Variants in CHD9 observed in about 807,000 individuals in gnomAD.
CHD9 encodes chromodomain helicase DNA binding protein 9, also known as ATP-dependent chromatin remodeler CHD9.
A neutral mutation model predicts 316.1 loss-of-function variants in CHD9; 77 were observed. The ratio of observed to expected loss-of-function variants is 0.24; its 90% CI spans 0.20 to 0.29. The LOEUF (loss-of-function observed/expected upper bound fraction) is 0.29, where lower values mean the gene tolerates loss of function less well. CHD9 is among the 10% of genes least tolerant of loss of function. The probability of loss-of-function intolerance (pLI) is 1.00; values close to 1 mark genes in which losing one functional copy is unlikely to be tolerated. For missense variants in CHD9, 2,763 were observed against 3,438.1 expected, an observed-to-expected ratio of 0.80 and a Z score of 4.91; for synonymous variants, 1,129 against 1,158.3, an observed-to-expected ratio of 0.97 and a Z score of 0.51.
intron 2 of CHD9, chr16:53,208,820 T>A: frequency 3.9e-6 from 2 of 506,686 alleles, no homozygotes; most frequent in Non-Finnish European, 5.1e-6. Context: ...TGCTAAATAT[T>A]AATAATTTTA....
At position 53,249,979 on chromosome 16, in the gene CHD9, C is replaced by T; in HGVS notation, c.3774C>T (p.Thr1258=). The change falls in exon 17 of 39, where the codon ACC becomes ACT. Residue 1258 remains threonine (T), a synonymous_variant. Transcript: ENST00000447540. ...ATAGATTTGTTTTTCTCCTGTGTACCCGAGCTGGTGGGTTGGGCATCAACT... is the reference window on the plus strand; with the variant it reads ...ATAGATTTGTTTTTCTCCTGTGTACTCGAGCTGGTGGGTTGGGCATCAACT... The part of the protein sequence containing the change: ...DSDRFVFLLC[T]RAGGLGINLT... The T allele has an allele frequency of 6.2e-7, 1 of 1,613,564 alleles. No individual in the cohort carries two copies. The highest frequency in any genetic ancestry group is 8.5e-7 in the Non-Finnish European group (1 of 1,179,732).
At chr16:53,198,587 A>G (rs1383326205) in intron 2 of CHD9, among the ~76,000 whole-genome samples, 2 of 152,130 alleles carry the variant, frequency 1.3e-5, no homozygotes, top group Non-Finnish European at 2.9e-5. Flanking sequence ...CGGCCTCCCA[A>G]AGTGCTAGGA....
chr16:53,310,910 A>G (rs987965371), intron 34 of CHD9: 1 of 149,986 alleles, frequency 6.7e-6, no homozygotes, highest in Non-Finnish European at 1.5e-5. Context: ...AATTGTGCCA[A>G]GCGTGGTGGC....
chr16:53,183,741 C>A (rs1328912807), intron 2 of CHD9, among the ~76,000 whole-genome samples: 1 of 151,332 alleles, frequency 6.6e-6, no homozygotes, highest in African/African-American at 2.4e-5. Context: ...TAGCAAGACC[C>A]TGTCTGTACA....
chr16:53,217,985 G>T lies in CHD9; in HGVS notation c.1785-4659G>T, dbSNP rs1450429885. On this transcript the variant is annotated intron_variant, in intron 3 of 38. Transcript: ENST00000447540. The stretch of plus-strand genomic sequence containing the variant: ...TTTTTTTTAATTCAGAATTACTGGG[G>T]TTTTTTAAAATCTAATTTTAAAATG... Among the ~76,000 whole-genome samples the T allele has an allele frequency of 2.8e-5, 4 of 144,714 alleles. No individual in the cohort carries two copies. The East Asian group carries it at 6.0e-4, about 22-fold the overall frequency. The allele number at this position is 144,714 out of a possible 152,430, so 94.9% of individuals were successfully genotyped here.
chr16:53,108,515 G>GATAC (rs2037551870), intron 1 of CHD9, among the ~76,000 whole-genome samples: 1 of 33,166 alleles, frequency 3.0e-5, no homozygotes, highest in South Asian at 8.6e-4. Flanking sequence ...AAAAAATATA[G>GATAC]ATAGATAGAT....
intron 16 of CHD9, among the ~76,000 whole-genome samples, chr16:53,249,516 A>G (rs749628024): frequency 1.3e-5 from 2 of 152,216 alleles, no homozygotes; most frequent in Non-Finnish European, 1.5e-5. Flanking sequence ...GCCTTCTTGT[A>G]TAAAGTTTTT....
intron 2 of CHD9, chr16:53,208,734 C>G (rs1476673672): frequency 1.0e-6 from 1 of 984,516 alleles, no homozygotes; most frequent in Non-Finnish European, 1.2e-6. Context: ...AAACTGTGAT[C>G]TAAGTATATG....
intron 2 of CHD9, among the ~76,000 whole-genome samples, chr16:53,190,431 G>C (rs2044387925): frequency 6.6e-6 from 1 of 151,932 alleles, no homozygotes; most frequent in Non-Finnish European, 1.5e-5. Flanking sequence ...GACGCGCCAA[G>C]GAGGAGGAAA....
intron 24 of CHD9, among the ~76,000 whole-genome samples, chr16:53,278,949 G>A (rs2153027363): frequency 6.6e-6 from 1 of 152,310 alleles, no homozygotes; most frequent in South Asian, 2.1e-4. Flanking sequence ...AAGACAGTGT[G>A]GCGATTCCTC....
chr16:53,059,947 C>G (rs990115042), intron 1 of CHD9, among the ~76,000 whole-genome samples: 16 of 152,164 alleles, frequency 1.1e-4, no homozygotes, highest in Admixed American at 8.5e-4. Flanking sequence ...ATGAGTATAT[C>G]TGGGTTCCAA....
At chr16:53,056,691 G>A (rs904444621) in intron 1 of CHD9, among the ~76,000 whole-genome samples, 18 of 152,208 alleles carry the variant, frequency 1.2e-4, no homozygotes, top group African/African-American at 4.3e-4. Flanking sequence ...TGTGAGCTGA[G>A]CACTTCCACT....
At chr16:53,167,202 ATTT>A (rs1451920757) in intron 2 of CHD9, among the ~76,000 whole-genome samples, 3 of 152,136 alleles carry the variant, frequency 2.0e-5, no homozygotes, top group Non-Finnish European at 4.4e-5. Flanking sequence ...TAATGTCTAA[ATTT>A]TTTATCTCTG....
intron 1 of CHD9, among the ~76,000 whole-genome samples, chr16:53,141,887 G>C (rs568864485): frequency 5.6e-4 from 85 of 152,246 alleles, no homozygotes; most frequent in Middle Eastern, 3.4e-3. Context: ...GGGTGATGTT[G>C]TAGGCATAGA....
At chr16:53,071,141 T>C (rs2034011128) in intron 1 of CHD9, among the ~76,000 whole-genome samples, 1 of 152,208 alleles carries the variant, frequency 6.6e-6, no homozygotes, top group African/African-American at 2.4e-5. Context: ...TTCCATTTAC[T>C]TATATCTTCT....
intron 26 of CHD9, 64 bp from the exon 27 acceptor site, chr16:53,287,893 T>A: frequency 7.7e-7 from 1 of 1,302,088 alleles, no homozygotes. Flanking sequence ...AACAAGACTT[T>A]GTCCTATCAA....
intron 1 of CHD9, among the ~76,000 whole-genome samples, chr16:53,082,153 C>T (rs1171358571): frequency 1.3e-5 from 2 of 152,188 alleles, no homozygotes; most frequent in Non-Finnish European, 2.9e-5. Context: ...CTGGTAAACA[C>T]TTAGTTCTCC....
chr16:53,172,171 G>A (rs548227928), intron 2 of CHD9, among the ~76,000 whole-genome samples: 6 of 152,118 alleles, frequency 3.9e-5, no homozygotes, highest in African/African-American at 1.4e-4. Flanking sequence ...GTTCCCTATT[G>A]CCTCTTTGTA....
chr16:53,230,226 G>GGT (rs1317161192), intron 8 of CHD9, among the ~76,000 whole-genome samples: 1 of 152,184 alleles, frequency 6.6e-6, no homozygotes, highest in Non-Finnish European at 1.5e-5. Context: ...TGATACCTCT[G>GGT]TACCCCAGTA....
Sources: gnomAD v4.1 joint callset for allele counts (sites outside exome capture counted in the v4.1 genomes callset) on GRCh38, gnomAD v4.1.1 for gene constraint, MANE v1.5 for transcripts, NCBI Gene and HGNC (gene_info 2026-07-23, HGNC 2026-07-21) for gene names.